Variants in ANO1 observed in about 807,000 individuals in gnomAD.
The protein encoded by ANO1 is anoctamin-1.
A neutral mutation model predicts 124.0 loss-of-function variants in ANO1; 59 were observed. That is an observed-to-expected ratio of 0.48 (90% confidence interval 0.39 to 0.59). ANO1 has a LOEUF of 0.59. ANO1 is among the 20% of genes least tolerant of loss of function. The pLI is 0.00. For missense variants in ANO1, 1,059 were observed against 1,328.0 expected (o/e 0.80, Z 3.15); for synonymous variants, 529 against 532.0 (o/e 0.99, Z 0.08).
chr11:69,998,499 ATTC>A (rs1238243537), intron 1 of ANO1, among the ~76,000 whole-genome samples: 1 of 152,248 alleles, frequency 6.6e-6, no homozygotes, highest in Non-Finnish European at 1.5e-5. Flanking sequence ...TGGGGTATCC[ATTC>A]TTCTAGGAAG....
chr11:70,157,461 C>T (rs2047865960), intron 16 of ANO1, among the ~76,000 whole-genome samples: 1 of 151,956 alleles, frequency 6.6e-6, no homozygotes, highest in South Asian at 2.1e-4. Flanking sequence ...TGCGCCGGCC[C>T]CATCTCCTCA....
At chr11:69,973,189 G>A in the ANO1 span, among the ~76,000 whole-genome samples, 5 of 152,094 alleles carry the variant, frequency 3.3e-5, no homozygotes, top group African/African-American at 7.2e-5. Context: ...GATTACAGGC[G>A]TGAGCCACCG....
chr11:70,066,959 C>T (rs1294267051), intron 1 of ANO1, among the ~76,000 whole-genome samples: 2 of 152,188 alleles, frequency 1.3e-5, no homozygotes, highest in African/African-American at 4.8e-5. Flanking sequence ...GAAAAAGCAG[C>T]CCCCCAGCGG....
intron 5 of ANO1, 117 bp downstream of exon 5, chr11:70,105,905 C>A: frequency 2.7e-6 from 3 of 1,105,624 alleles, no homozygotes; most frequent in East Asian, 2.5e-5. Flanking sequence ...TTGTCTGTGA[C>A]AGAAATAATT....
chr11:70,165,371 C>T, intron 19 of ANO1, 99 bp from the exon 20 acceptor site: 2 of 983,340 alleles, frequency 2.0e-6, no homozygotes, highest in Non-Finnish European at 3.1e-6. Context: ...TTTTGGAGGA[C>T]GCAGGTCAAC....
At chr11:70,170,375 T>G (rs1314680330) in intron 21 of ANO1, among the ~76,000 whole-genome samples, 2 of 152,212 alleles carry the variant, frequency 1.3e-5, no homozygotes, top group Non-Finnish European at 2.9e-5. Context: ...GTGGATGACT[T>G]GAGCTCAGGA....
At chr11:69,989,216 G>C (rs1554997189) in intron 1 of ANO1, among the ~76,000 whole-genome samples, 1 of 152,158 alleles carries the variant, frequency 6.6e-6, no homozygotes, top group African/African-American at 2.4e-5. Context: ...GTAAGTGGCA[G>C]AGGCAGGATT....
At chr11:70,069,339 A>G (rs1857810369) in intron 1 of ANO1, among the ~76,000 whole-genome samples, 1 of 152,232 alleles carries the variant, frequency 6.6e-6, no homozygotes, top group East Asian at 1.9e-4. Flanking sequence ...ACTGGAAGGA[A>G]ACAGGAACAG....
At chr11:70,110,692 G>T (rs1407292105) in intron 6 of ANO1, among the ~76,000 whole-genome samples, 1 of 152,156 alleles carries the variant, frequency 6.6e-6, no homozygotes, top group Admixed American at 6.5e-5. Context: ...CGCCCAGGCT[G>T]CTGTGAAAAA....
At chr11:70,078,816 G>T in intron 1 of ANO1, 102 bp downstream of exon 1, 1 of 632,150 alleles carries the variant, frequency 1.6e-6, no homozygotes, top group Non-Finnish European at 2.1e-6. Context: ...CCCCAGGGCG[G>T]GGGCCGCACC....
At chr11:70,054,489 T>C (rs1857403871) in intron 1 of ANO1, among the ~76,000 whole-genome samples, 2 of 152,352 alleles carry the variant, frequency 1.3e-5, no homozygotes, top group Admixed American at 1.3e-4. Context: ...GGCACACATC[T>C]CCAAGGAGTC....
rs575669481 is a variant in ANO1, at chr11:70,161,781, G to GGA, written c.1892+52_1892+53dup. ...CCCAACCTCGCTTCTCCCAGGTCCAGGAGAGGGCTCTCCCTCCCCACAGGT... is the reference window on the plus strand; with the variant it reads ...CCCAACCTCGCTTCTCCCAGGTCCAGGAGAGAGGGCTCTCCCTCCCCACAGGT... On this transcript the variant is annotated intron_variant, in intron 18 of 25. Transcript: ENST00000355303. 2.9e-3 allele frequency: 4,637 copies of GGA among 1,579,958 alleles called. 9 individuals are homozygous for GGA. The highest frequency in any genetic ancestry group is 3.5e-3 in the Non-Finnish European group (4,072 of 1,149,674).
chr11:70,004,477 C>G (rs1387516025), intron 1 of ANO1, among the ~76,000 whole-genome samples: 2 of 152,218 alleles, frequency 1.3e-5, no homozygotes, highest in Admixed American at 1.3e-4. Context: ...GTGAGGCAAC[C>G]TCTCACATGG....
intron 2 of ANO1, among the ~76,000 whole-genome samples, chr11:70,099,441 C>T (rs757538185): frequency 6.6e-6 from 1 of 152,190 alleles, no homozygotes; most frequent in Non-Finnish European, 1.5e-5. Flanking sequence ...CAGAAATCCT[C>T]ATGGACTCAG....
At chr11:70,078,928 C>G (rs576234611) in intron 1 of ANO1, among the ~76,000 whole-genome samples, 3 of 151,836 alleles carry the variant, frequency 2.0e-5, no homozygotes, top group East Asian at 3.9e-4. Flanking sequence ...CTGAGCGTTC[C>G]GAGCGCGGCG....
intron 1 of ANO1, among the ~76,000 whole-genome samples, chr11:70,013,804 A>AAAAAGAAAGAAAAG (rs1555001455): frequency 1.2e-4 from 15 of 130,416 alleles, no homozygotes; most frequent in Non-Finnish European, 2.4e-4. Context: ...TCCATCTAAA[A>AAAAAGAAAGAAAAG]AAAAGAAAAG....
In ANO1 at chr11:70,124,272, G is replaced by A; in HGVS notation, c.898-78G>A. 6 of 1,349,722 alleles carry A rather than the reference G, an allele frequency of 4.4e-6. No individual in the cohort carries two copies. The East Asian group carries it at 1.2e-4, about 26-fold the overall frequency. 83.6% of individuals were successfully genotyped at this position (1,349,722 alleles called of 1,614,324 possible). ...GAATGAATGATGTCACGGAGGCTCA[G>A]TCCCCGCAGCTCTGCGTTCCGGGGA... On this transcript the variant is annotated intron_variant, in intron 8 of 25. Coordinates refer to ENST00000355303, the MANE Select transcript of ANO1 (RefSeq NM_018043.7).
chr11:70,152,357 A>AAAATTTTTT, intron 12 of ANO1, 93 bp from the exon 13 acceptor site: 1 of 922,376 alleles, frequency 1.1e-6, no homozygotes, highest in Non-Finnish European at 1.6e-6. Context: ...AAAAAAAAAA[A>AAAATTTTTT]GTTGTCCTTA....
chr11:70,079,635 A>G (rs2044144061), intron 1 of ANO1, among the ~76,000 whole-genome samples: 1 of 152,152 alleles, frequency 6.6e-6, no homozygotes, highest in African/African-American at 2.4e-5. Flanking sequence ...GTGGGACCTA[A>G]GGACAGAAGC....
Sources: allele counts gnomAD v4.1 joint callset (sites outside exome capture counted in the v4.1 genomes callset), GRCh38; gene constraint gnomAD v4.1.1; transcripts MANE v1.5; gene names NCBI Gene and HGNC (gene_info 2026-07-23, HGNC 2026-07-21).